The following GALNT13 variants were observed in gnomAD, a reference collection of about 807,000 sequenced individuals.
GALNT13 encodes the protein UDP-GalNAc:polypeptide N-acetylgalactosaminyltransferase 13.
In GALNT13, 28 loss-of-function variants were observed where a neutral mutation model predicts 64.2. The ratio of observed to expected loss-of-function variants is 0.44; its 90% CI spans 0.32 to 0.60. The LOEUF is 0.60. GALNT13 is among the 20% of genes least tolerant of loss of function. The probability of loss-of-function intolerance (pLI) is 0.05; values close to 1 mark genes in which losing one functional copy is unlikely to be tolerated. For synonymous variants in GALNT13, 214 were observed against 224.6 expected, an observed-to-expected ratio of 0.95 and a Z score of 0.42; for missense variants, 577 against 669.8, an observed-to-expected ratio of 0.86 and a Z score of 1.53.
At chr2:153,503,790 T>G in the GALNT13 span, among the ~76,000 whole-genome samples, 1 of 152,204 alleles carries the variant, frequency 6.6e-6, no homozygotes, top group Non-Finnish European at 1.5e-5. Context: ...AACTATGGCC[T>G]TATAGTATAG....
the GALNT13 span, among the ~76,000 whole-genome samples, chr2:153,298,056 T>C: frequency 1.3e-5 from 2 of 152,186 alleles, no homozygotes. Context: ...CTCATACAAA[T>C]GAGCAGGTTA....
In GALNT13 at chr2:154,076,836, A is replaced by G. The variant is rs1946308; in HGVS notation, c.143-63501A>G. Among the ~76,000 whole-genome samples the G allele has an allele frequency of 8.1e-3, 1,231 of 151,732 alleles. 14 individuals carry two copies. Among genetic ancestry groups the G allele is most frequent in the African/African-American group, 0.027 (1,140 of 41,496 alleles). ...AGTACCAACCAAGGAAACACTTATT[A>G]TAGAGGCTTCACTGCAAAATACGTT... On this transcript the variant is annotated intron_variant, in intron 3 of 12. Transcript: ENST00000392825.
intron 4 of GALNT13, among the ~76,000 whole-genome samples, chr2:154,201,551 T>G (rs1687171666): frequency 6.6e-6 from 1 of 152,084 alleles, no homozygotes; most frequent in South Asian, 2.1e-4. Flanking sequence ...CTTAGATAAC[T>G]GTTTCAAACA....
At chr2:153,322,805 A>G in the GALNT13 span, among the ~76,000 whole-genome samples, 2 of 151,824 alleles carry the variant, frequency 1.3e-5, no homozygotes, top group African/African-American at 4.8e-5. Context: ...TCCAGCTTCT[A>G]TGTTTCTGCA....
Position 154,447,007 on chromosome 2 carries a change from A to G in GALNT13, c.1531-3404A>G, listed in dbSNP as rs540420273. Among the ~76,000 whole-genome samples, 7 of 151,596 alleles carry G rather than the reference A, an allele frequency of 4.6e-5. No individual in the cohort carries two copies. In the South Asian group the frequency reaches 1.5e-3, roughly 31 times the overall value. ...TGTTTTTTTTCTTTATTTTAAACAT[A>G]TATATGCATAAATATACTTGATGAA... On this transcript the variant is annotated intron_variant, in intron 12 of 12. Coordinates refer to ENST00000392825, the MANE Select transcript of GALNT13 (RefSeq NM_052917.4).
the GALNT13 span, among the ~76,000 whole-genome samples, chr2:153,734,927 G>T: frequency 6.6e-6 from 1 of 152,154 alleles, no homozygotes; most frequent in Non-Finnish European, 1.5e-5. Context: ...AAATCAAAAT[G>T]TAGAGCTGTC....
intron 9 of GALNT13, among the ~76,000 whole-genome samples, chr2:154,322,652 T>C (rs1694687818): frequency 6.6e-6 from 1 of 152,116 alleles, no homozygotes; most frequent in African/African-American, 2.4e-5. Context: ...TCAAAACTAG[T>C]GGTAGTCAGG....
At chr2:153,115,284 G>A in the GALNT13 span, among the ~76,000 whole-genome samples, 1 of 152,156 alleles carries the variant, frequency 6.6e-6, no homozygotes, top group Non-Finnish European at 1.5e-5. Flanking sequence ...TATCCAGGAA[G>A]CACTGGGTAA....
the GALNT13 span, among the ~76,000 whole-genome samples, chr2:153,326,316 T>TG: frequency 6.6e-6 from 1 of 152,084 alleles, no homozygotes; most frequent in South Asian, 2.1e-4. Context: ...CTTTTTTTTT[T>TG]TTTTTCGCTT....
chr2:153,739,564 TTTTA>T, the GALNT13 span, among the ~76,000 whole-genome samples: 8 of 141,352 alleles, frequency 5.7e-5, no homozygotes, highest in African/African-American at 2.1e-4. Context: ...TTATTTATTA[TTTTA>T]TTTATTTATT....
intron 4 of GALNT13, among the ~76,000 whole-genome samples, chr2:154,220,478 C>T (rs1688267539): frequency 6.6e-6 from 1 of 152,132 alleles, no homozygotes; most frequent in African/African-American, 2.4e-5. Flanking sequence ...AGGTCTTAAG[C>T]TCTTAAATTA....
At chr2:154,107,505 A>C (rs7603191) in intron 3 of GALNT13, among the ~76,000 whole-genome samples, 1 of 150,378 alleles carries the variant, frequency 6.6e-6, no homozygotes, top group East Asian at 2.0e-4. Context: ...CAAGAGAATC[A>C]CTTGAACCTA....
At chr2:153,609,699 T>C in the GALNT13 span, among the ~76,000 whole-genome samples, 1 of 152,130 alleles carries the variant, frequency 6.6e-6, no homozygotes, top group Admixed American at 6.6e-5. Context: ...ATATAAAACA[T>C]GATAACAATG....
chr2:153,697,410 C>T, the GALNT13 span, among the ~76,000 whole-genome samples: 3 of 152,294 alleles, frequency 2.0e-5, no homozygotes, highest in South Asian at 6.2e-4. Context: ...CCATAAGTGA[C>T]ATCCCTTTTT....
chr2:153,996,546 G>T (rs1014179985), intron 3 of GALNT13, among the ~76,000 whole-genome samples: 43 of 152,008 alleles, frequency 2.8e-4, no homozygotes, highest in African/African-American at 9.9e-4. Flanking sequence ...CTATTGAATT[G>T]TGTGAGTTCT....
At chr2:153,993,455 G>A (rs1483855554) in intron 3 of GALNT13, among the ~76,000 whole-genome samples, 1 of 151,954 alleles carries the variant, frequency 6.6e-6, no homozygotes, top group Non-Finnish European at 1.5e-5. Flanking sequence ...CAGCACTTTG[G>A]GAAGCCGAGG....
At chr2:153,631,728 T>C in the GALNT13 span, among the ~76,000 whole-genome samples, 2 of 152,196 alleles carry the variant, frequency 1.3e-5, no homozygotes, top group Non-Finnish European at 1.5e-5. Context: ...GATGAGTAGG[T>C]TGCAAAAATG....
chr2:153,508,818 C>T, the GALNT13 span, among the ~76,000 whole-genome samples: 1 of 152,284 alleles, frequency 6.6e-6, no homozygotes. Flanking sequence ...GCTCTGTCTC[C>T]CAAGTGGGAG....
intron 3 of GALNT13, among the ~76,000 whole-genome samples, chr2:154,071,969 C>T (rs191164380): frequency 5.5e-4 from 83 of 152,098 alleles, no homozygotes; most frequent in Admixed American, 2.5e-3. Context: ...CTTTGTTTAG[C>T]GTGAATTATA....
Sources: allele counts gnomAD v4.1 joint callset (sites outside exome capture counted in the v4.1 genomes callset), GRCh38; gene constraint gnomAD v4.1.1; transcripts MANE v1.5; gene names NCBI Gene and HGNC (gene_info 2026-07-23, HGNC 2026-07-21).